The following USHBP1 variants were observed in gnomAD, a reference collection of about 807,000 sequenced individuals.
The protein encoded by USHBP1 is USH1 protein network component harmonin binding protein 1.
In USHBP1, 67 loss-of-function variants were observed where a neutral mutation model predicts 76.2. The ratio of observed to expected loss-of-function variants is 0.88; its 90% confidence interval spans 0.72 to 1.08. The LOEUF (loss-of-function observed/expected upper bound fraction) is 1.08, where lower values mean the gene tolerates loss of function less well. Ranked by LOEUF, USHBP1 falls within the 50% of genes least tolerant of loss-of-function variation. The probability of loss-of-function intolerance (pLI) is 0.00; values close to 1 mark genes in which losing one functional copy is unlikely to be tolerated. For missense variants in USHBP1, 931 were observed against 915.0 expected, an observed-to-expected ratio of 1.02 and a Z score of -0.23; for synonymous variants, 322 against 362.2, an observed-to-expected ratio of 0.89 and a Z score of 1.26.
At chr19:17,262,238 T>C (rs1299247654) in intron 4 of USHBP1, among the ~76,000 whole-genome samples, 1 of 149,886 alleles carries the variant, frequency 6.7e-6, no homozygotes, top group Non-Finnish European at 1.5e-5. Context: ...CTCCTGACTT[T>C]GTGATCCACC....
intron 11 of USHBP1, 70 bp from the exon 12 acceptor site, chr19:17,251,774 A>G (rs914680198): frequency 6.2e-7 from 1 of 1,600,950 alleles, no homozygotes; most frequent in Non-Finnish European, 8.5e-7. Context: ...CCTCCTACCC[A>G]CCTGCCCACA....
Position 17,250,412 on chromosome 19 carries a change from G to C in USHBP1, c.1925C>G (p.Ala642Gly). Reference sequence around the variant, plus strand: ...GGCTCCTCGGAAGGCCAGGACCAGGGCGCTGGAAGGGGTGGGTGGCTGGGT... The same window carrying C: ...GGCTCCTCGGAAGGCCAGGACCAGGCCGCTGGAAGGGGTGGGTGGCTGGGT... ...LNRDLCKAHS[A>G]LVLAFRGAHR... The change falls in exon 13 of 13, where the codon GCC becomes GGC. Residue 642 changes from alanine (A) to glycine (G), a missense_variant and splice_region_variant. Physicochemically the swap from Ala to Gly is moderately conservative, Grantham distance 60. Coordinates refer to ENST00000252597, the MANE Select transcript of USHBP1 (RefSeq NM_031941.4). The C allele has an allele frequency of 6.2e-7, 1 of 1,611,522 alleles. No individual in the cohort carries two copies. Among genetic ancestry groups the C allele is most frequent in the East Asian group, 2.2e-5 (1 of 44,862 alleles).
chr19:17,260,865 G>A (rs1025601389), intron 4 of USHBP1, among the ~76,000 whole-genome samples: 1 of 152,158 alleles, frequency 6.6e-6, no homozygotes, highest in Non-Finnish European at 1.5e-5. Flanking sequence ...AGGTCCCAAA[G>A]CCTGAAGTTG....
intron 3 of USHBP1, 44 bp downstream of exon 3, chr19:17,263,958 T>C (rs2145597920): frequency 6.7e-7 from 1 of 1,483,020 alleles, no homozygotes; most frequent in Non-Finnish European, 8.9e-7. Flanking sequence ...ATGGCAAAGA[T>C]GCGTCTGGAC....
At chr19:17,251,831 C>T (rs2073556447) in intron 11 of USHBP1, 80 bp downstream of exon 11, 1 of 1,533,878 alleles carries the variant, frequency 6.5e-7, no homozygotes, top group East Asian at 2.4e-5. Flanking sequence ...ACCTTAGCTT[C>T]TACTGCAGAC....
intron 10 of USHBP1, among the ~76,000 whole-genome samples, chr19:17,254,647 ACT>A (rs1160093846): frequency 2.0e-5 from 3 of 149,500 alleles, no homozygotes; most frequent in Non-Finnish European, 4.5e-5. Flanking sequence ...CAAGAGCAAA[ACT>A]CTGTCTCAAA....
rs748859261 is a variant in USHBP1 at position 17,264,117 on chromosome 19, C to A, written c.88G>T (p.Glu30Ter). The change falls in exon 3 of 13, where the codon GAG becomes TAG. Residue 30 changes from glutamate to a stop codon, truncating the protein, a stop_gained. Transcript: ENST00000252597. LOFTEE classifies it high-confidence loss of function. The part of the protein sequence containing the change: ...ELDPVAESSE[E>*]VEAASGSSKP... ...GAGCTCCCACTGGCTGCCTCGACCT[C>A]CTCTGAACTCTCAGCCACGGGATCC... 4 of 1,614,118 alleles carry A rather than the reference C, an allele frequency of 2.5e-6. No individual in the cohort carries two copies. The South Asian group carries it at 4.4e-5, about 18-fold the overall frequency.
At chr19:17,263,961 G>A (rs1284918685) in intron 3 of USHBP1, 41 bp downstream of exon 3, 25 of 1,494,394 alleles carry the variant, frequency 1.7e-5, no homozygotes, top group East Asian at 4.7e-5. Context: ...GCAAAGATGC[G>A]TCTGGACTGG....
chr19:17,256,664 C>T lies in USHBP1; in HGVS notation c.1277G>A (p.Arg426Gln), dbSNP rs771954436. The change falls in exon 9 of 13, where the codon CGA (arginine) becomes CAA (glutamine). Residue 426 changes from arginine (R) to glutamine (Q), a missense_variant. Arg to Gln is a conservative substitution (Grantham distance 43, BLOSUM62 1). Coordinates refer to ENST00000252597, the MANE Select transcript of USHBP1 (RefSeq NM_031941.4). ...PTPQEVAFQL[R>Q]SYVQRLQERR... ...CTCCTGGAGACGCTGGACATAGCTT[C>T]GGAGCTGGAAAGCCACTTCCTGTGG... The T allele has an allele frequency of 1.7e-5, 28 of 1,614,074 alleles. No individual in the cohort carries two copies. Among genetic ancestry groups the T allele is most frequent in the African/African-American group, 1.3e-4 (10 of 74,932 alleles).
At position 17,259,184 on chromosome 19, in the gene USHBP1, T is replaced by C. The variant is rs1185831327; in HGVS notation, c.1046+105A>G. The C allele has an allele frequency of 4.8e-6, 7 of 1,457,554 alleles. No homozygotes were observed. In the Admixed American group the frequency reaches 1.2e-4, roughly 26 times the overall value. 90.3% of individuals were successfully genotyped at this position (1,457,554 alleles called of 1,614,324 possible). A position where few individuals can be genotyped will look rare whatever the true frequency, so the allele number is the denominator to read the frequency against. ...TGTCTCAAAAAAAAAAATTAATTTCTGAAGTGGGGAAGGTGCTCTCCAGTG... is the reference window on the plus strand; with the variant it reads ...TGTCTCAAAAAAAAAAATTAATTTCCGAAGTGGGGAAGGTGCTCTCCAGTG... On this transcript the variant is annotated intron_variant, in intron 7 of 12. Coordinates refer to ENST00000252597, the MANE Select transcript of USHBP1 (RefSeq NM_031941.4).
Position 17,259,372 on chromosome 19 carries a change from G to C in USHBP1, c.963C>G (p.Tyr321Ter). 6.2e-7 allele frequency: 1 copy of C among 1,614,120 alleles called. No homozygotes were observed. The highest frequency in any genetic ancestry group is 1.1e-5 in the South Asian group (1 of 91,090). The change falls in exon 7 of 13, where the codon TAC (tyrosine) becomes TAG (stop). Residue 321 changes from tyrosine (Y) to a stop codon, truncating the protein, a stop_gained. Transcript: ENST00000252597. LOFTEE classifies it high-confidence loss of function. ...TGCTGAGGCCTTCACAGCGGCCCTT[G>C]TATCCCTGTAGCACAGCTGATAGCA... ...NRLLSAVLQG[Y>*]KGRCEGLSMQ...
chr19:17,251,166 G>GTTTTTTTT lies in USHBP1; in HGVS notation c.1922+415_1922+416insAAAAAAAA, dbSNP rs1315942809. ...TGAGCCACTGCGCCTGGCCCAGCCT[G>GTTTTTTTT]TTGTTTTTTTTTTTTTTTTTTTAGA... On this transcript the variant is annotated intron_variant, in intron 12 of 12. Coordinates refer to ENST00000252597, the MANE Select transcript of USHBP1 (RefSeq NM_031941.4). Among the ~76,000 whole-genome samples, 2 of 66,450 alleles carry GTTTTTTTT rather than the reference G, an allele frequency of 3.0e-5. 1 individual carries two copies. Among genetic ancestry groups the GTTTTTTTT allele is most frequent in the Non-Finnish European group, 5.1e-5 (2 of 39,000 alleles). The allele number at this position is 66,450 out of a possible 152,430, so 43.6% of individuals were successfully genotyped here. A position where few individuals can be genotyped will look rare whatever the true frequency, so the allele number is the denominator to read the frequency against.
rs769887855 is a variant in USHBP1, at chr19:17,259,939, ACCACTGCCTGAG to A, written c.714_725del (p.Gly240_Ser243del). 8.1e-6 allele frequency: 13 copies of A among 1,613,866 alleles called. No individual in the cohort carries two copies. The highest frequency in any genetic ancestry group is 9.3e-6 in the Non-Finnish European group (11 of 1,179,974). On this transcript the variant is annotated inframe_deletion, in exon 5 of 13. Transcript: ENST00000252597. ...CCCTGTCTGCCTCAGAGCTGCTAGA[ACCACTGCCTGAG>A]CCACCTGCTTGGTTGTGGGAAAGAT... is the stretch of plus-strand genomic sequence containing the variant.
chr19:17,261,337 C>CTTTCTTTCTT lies in USHBP1; in HGVS notation c.642+1214_642+1215insAAGAAAGAAA, dbSNP rs747378053. ...TTTCTTTTTCTTTCTTTCTTTCTTT[C>CTTTCTTTCTT]TTTTTTTTTTTTTTTTGAGAAAGAG... On this transcript the variant is annotated intron_variant, in intron 4 of 12. Transcript: ENST00000252597. 7.0e-3 allele frequency among the ~76,000 whole-genome samples: 868 copies of CTTTCTTTCTT among 123,882 alleles called. 15 individuals are homozygous for CTTTCTTTCTT. Among genetic ancestry groups the CTTTCTTTCTT allele is most frequent in the African/African-American group, 0.026 (815 of 30,864 alleles). The allele number at this position is 123,882 out of a possible 152,430, so 81.3% of individuals were successfully genotyped here.
intron 8 of USHBP1, 107 bp downstream of exon 8, chr19:17,258,105 G>T: frequency 1.3e-6 from 2 of 1,513,108 alleles, no homozygotes; most frequent in Non-Finnish European, 1.8e-6. Context: ...GACCTTGCTG[G>T]ACACAGCCAC....
At chr19:17,253,196 C>A (rs1009745790) in intron 10 of USHBP1, among the ~76,000 whole-genome samples, 1 of 152,006 alleles carries the variant, frequency 6.6e-6, no homozygotes, top group Non-Finnish European at 1.5e-5. Flanking sequence ...TCTCGATCTC[C>A]TGACCTCGTG....
intron 10 of USHBP1, among the ~76,000 whole-genome samples, chr19:17,253,766 C>T (rs1226234762): frequency 2.0e-5 from 3 of 148,610 alleles, no homozygotes; most frequent in African/African-American, 4.9e-5. Context: ...TGGTGGTGCA[C>T]GCCTGTAATT....
intron 10 of USHBP1, among the ~76,000 whole-genome samples, chr19:17,254,614 C>CAA: frequency 6.6e-6 from 1 of 151,356 alleles, no homozygotes; most frequent in Non-Finnish European, 1.5e-5. Context: ...CAAGATCGGG[C>CAA]CATTGCACTC....
At chr19:17,259,782 G>C in intron 5 of USHBP1, 50 bp from the exon 6 acceptor site, 1 of 1,580,860 alleles carries the variant, frequency 6.3e-7, no homozygotes. Flanking sequence ...CAAGAGCCTG[G>C]GATTGTAGGC....
Sources: allele counts gnomAD v4.1 joint callset (sites outside exome capture counted in the v4.1 genomes callset), GRCh38; gene constraint gnomAD v4.1.1; transcripts MANE v1.5; gene names NCBI Gene and HGNC (gene_info 2026-07-23, HGNC 2026-07-21).